The following XRN2 variants were observed in gnomAD, a reference collection of about 807,000 sequenced individuals.
XRN2 encodes 5'-3' exoribonuclease 2.
In XRN2, 44 loss-of-function variants were observed where a neutral mutation model predicts 138.5. That is an observed-to-expected ratio of 0.32 (90% CI 0.25 to 0.41). XRN2 has a LOEUF of 0.41. Ranked by LOEUF, XRN2 falls within the 10% of genes least tolerant of loss-of-function variation. XRN2 has a pLI of 1.00. For missense variants in XRN2, 937 were observed against 1,169.3 expected (o/e 0.80, Z 2.90); for synonymous variants, 354 against 369.4 (o/e 0.96, Z 0.48).
At chr20:21,345,539 G>C (rs1041511138) in intron 16 of XRN2, among the ~76,000 whole-genome samples, 8 of 152,080 alleles carry the variant, frequency 5.3e-5, no homozygotes, top group African/African-American at 1.9e-4. Flanking sequence ...GAATCATCTT[G>C]ATGTTCTTGA....
chr20:21,351,040 A>G lies in XRN2; in HGVS notation c.1936+1579A>G, dbSNP rs911548901. Among the ~76,000 whole-genome samples, 10 of 152,232 alleles carry G rather than the reference A, an allele frequency of 6.6e-5. No homozygotes were observed. In the East Asian group the frequency reaches 1.9e-3, roughly 29 times the overall value. Reference sequence around the variant, plus strand: ...AAAAATACTAAGTAAATTAAGAAGCAAATATATTTTTGTGTTTGTTAAATA... The same window carrying G: ...AAAAATACTAAGTAAATTAAGAAGCGAATATATTTTTGTGTTTGTTAAATA... On this transcript the variant is annotated intron_variant, in intron 20 of 29. Coordinates refer to ENST00000377191, the MANE Select transcript of XRN2 (RefSeq NM_012255.5).
chr20:21,339,663 T>C (rs1301109440), intron 14 of XRN2, among the ~76,000 whole-genome samples: 2 of 152,240 alleles, frequency 1.3e-5, no homozygotes, highest in Non-Finnish European at 2.9e-5. Flanking sequence ...TTTTTGACTT[T>C]GCAGCTCACT....
chr20:21,339,178 C>CCAGTA, intron 14 of XRN2, 90 bp downstream of exon 14: 2 of 1,345,180 alleles, frequency 1.5e-6, no homozygotes, highest in Non-Finnish European at 2.1e-6. Flanking sequence ...TATTCCTTGT[C>CCAGTA]CAGTAGGACT....
At chr20:21,344,456 C>T (rs2038410587) in intron 16 of XRN2, among the ~76,000 whole-genome samples, 1 of 152,154 alleles carries the variant, frequency 6.6e-6, no homozygotes, top group African/African-American at 2.4e-5. Flanking sequence ...ACTTTTCCCT[C>T]TGAGACCAGG....
chr20:21,308,433 C>CT (rs949099970), intron 1 of XRN2, among the ~76,000 whole-genome samples: 8 of 151,316 alleles, frequency 5.3e-5, no homozygotes, highest in Non-Finnish European at 7.4e-5. Context: ...ACCTGCCAGA[C>CT]TTTTTTTTTC....
chr20:21,303,684 G>T, intron 1 of XRN2: 1 of 1,323,410 alleles, frequency 7.6e-7, no homozygotes, highest in Non-Finnish European at 9.6e-7. Flanking sequence ...ACCCTCGGCG[G>T]GGCAAGGGCC....
chr20:21,318,289 A>G (rs891949991), intron 1 of XRN2, among the ~76,000 whole-genome samples: 1 of 152,104 alleles, frequency 6.6e-6, no homozygotes, highest in South Asian at 2.1e-4. Flanking sequence ...CTCTGATTCT[A>G]GTAACTTGAG....
At chr20:21,342,502 T>C (rs2038385146) in intron 15 of XRN2, among the ~76,000 whole-genome samples, 1 of 152,242 alleles carries the variant, frequency 6.6e-6, no homozygotes, top group Non-Finnish European at 1.5e-5. Flanking sequence ...ATTATTTGTT[T>C]TCTAAAGATA....
At chr20:21,359,961 G>A (rs528194013) in intron 24 of XRN2, among the ~76,000 whole-genome samples, 2 of 151,762 alleles carry the variant, frequency 1.3e-5, no homozygotes, top group Non-Finnish European at 2.9e-5. Context: ...TTGAGTTTAG[G>A]TAAGTTCTTC....
rs1037585477 is a variant in XRN2, at chr20:21,344,096, T to G, written c.1417T>G (p.Ser473Ala). 1.9e-6 allele frequency: 3 copies of G among 1,609,588 alleles called. No individual in the cohort carries two copies. The highest frequency in any genetic ancestry group is 3.3e-4 in the Middle Eastern group (2 of 6,052). ...ATGTCATCATTGTCTGCAGAGTCCTTCGATATCTCCTAATACGAGTTTCAC... is the reference window on the plus strand; with the variant it reads ...ATGTCATCATTGTCTGCAGAGTCCTGCGATATCTCCTAATACGAGTTTCAC... ...EMRMQNNSSP[S>A]ISPNTSFTSD... Residue 473 changes from serine to alanine, a missense_variant, in exon 16 of 30, where the codon TCG becomes GCG. Physicochemically the swap from Ser to Ala is moderately conservative, Grantham distance 99. Transcript: ENST00000377191.
intron 27 of XRN2, among the ~76,000 whole-genome samples, chr20:21,378,955 A>G (rs554557638): frequency 1.3e-5 from 2 of 152,328 alleles, no homozygotes; most frequent in South Asian, 4.2e-4. Flanking sequence ...CAGTCTGAAT[A>G]AAGCATTTGG....
intron 1 of XRN2, among the ~76,000 whole-genome samples, chr20:21,305,347 C>T (rs1334488211): frequency 6.6e-6 from 1 of 152,070 alleles, no homozygotes; most frequent in Non-Finnish European, 1.5e-5. Context: ...AACCTCTGGC[C>T]TCCTGGGTTC....
intron 8 of XRN2, 111 bp from the exon 9 acceptor site, chr20:21,332,172 A>G (rs1178239399): frequency 1.5e-6 from 2 of 1,338,014 alleles, no homozygotes; most frequent in South Asian, 1.5e-5. Context: ...TTTGCTGCTC[A>G]TTTGGGTGCT....
rs117467124 is a variant in XRN2 at position 21,323,272 on chromosome 20, C to T, written c.76-3007C>T. ...TTCTCAGCCACAAATTCTGGTTTTC[C>T]GCCGTAGTTATACAGTAGATTTGTT... On this transcript the variant is annotated intron_variant, in intron 1 of 29. Transcript: ENST00000377191. Among the ~76,000 whole-genome samples the T allele has an allele frequency of 5.3e-3, 808 of 152,242 alleles. 5 individuals are homozygous for T. The highest frequency in any genetic ancestry group is 7.4e-3 in the Non-Finnish European group (502 of 68,018).
At chr20:21,322,006 A>G (rs1600677656) in intron 1 of XRN2, among the ~76,000 whole-genome samples, 1 of 152,192 alleles carries the variant, frequency 6.6e-6, no homozygotes, top group South Asian at 2.1e-4. Context: ...TTAAGGTACC[A>G]TCTCTGAGTC....
chr20:21,347,507 G>A (rs934868058), intron 17 of XRN2, among the ~76,000 whole-genome samples: 10 of 152,174 alleles, frequency 6.6e-5, no homozygotes, highest in African/African-American at 1.7e-4. Context: ...AGTATTGACC[G>A]TTAAGTACTC....
intron 23 of XRN2, 86 bp from the exon 24 acceptor site, chr20:21,357,650 A>G: frequency 9.2e-7 from 1 of 1,087,488 alleles, no homozygotes; most frequent in Non-Finnish European, 1.3e-6. Flanking sequence ...TTTTCTAAAG[A>G]CTAACAAACA....
intron 1 of XRN2, chr20:21,303,882 T>A (rs555674062): frequency 3.1e-6 from 3 of 983,588 alleles, no homozygotes; most frequent in Admixed American, 1.2e-4. Flanking sequence ...ATGCACGGAT[T>A]CGGAGGCCAG....
chr20:21,318,712 G>C (rs1307649880), intron 1 of XRN2, among the ~76,000 whole-genome samples: 3 of 151,572 alleles, frequency 2.0e-5, no homozygotes, highest in Admixed American at 6.6e-5. Context: ...TAGATCCCTT[G>C]GTTATTTTGG....
Sources: allele counts gnomAD v4.1 joint callset (sites outside exome capture counted in the v4.1 genomes callset), GRCh38; gene constraint gnomAD v4.1.1; transcripts MANE v1.5; gene names NCBI Gene and HGNC (gene_info 2026-07-23, HGNC 2026-07-21).